Variants in DYNC1I2 observed in about 807,000 individuals in gnomAD.
The protein encoded by DYNC1I2 is cytoplasmic dynein 1 intermediate chain 2.
Under a neutral mutation model 88.6 loss-of-function variants are expected in DYNC1I2, and 53 were observed. The observed-to-expected ratio is 0.60, with a 90% CI of 0.48 to 0.75. The LOEUF (loss-of-function observed/expected upper bound fraction) is 0.75. Ranked by LOEUF, DYNC1I2 falls within the 30% of genes least tolerant of loss-of-function variation. DYNC1I2 has a pLI of 0.00. For synonymous variants in DYNC1I2, 198 were observed against 254.6 expected (o/e 0.78, Z 2.12); for missense variants, 458 against 766.6 (o/e 0.60, Z 4.75).
At chr2:171,713,306 A>G (rs569628732) in intron 6 of DYNC1I2, among the ~76,000 whole-genome samples, 16 of 152,250 alleles carry the variant, frequency 1.1e-4, no homozygotes, top group African/African-American at 3.4e-4. Context: ...GAATAAATAA[A>G]TGAGTGAATG....
chr2:171,700,793 G>A (rs949525556), intron 3 of DYNC1I2, among the ~76,000 whole-genome samples: 3 of 151,990 alleles, frequency 2.0e-5, no homozygotes, highest in African/African-American at 7.3e-5. Context: ...CACCACGCCC[G>A]GCTAATTTTT....
intron 3 of DYNC1I2, 132 bp downstream of exon 3, chr2:171,693,026 G>A: frequency 1.4e-6 from 1 of 726,382 alleles, no homozygotes. Flanking sequence ...TCTTTTATTT[G>A]GAATTGTCTT....
intron 7 of DYNC1I2, among the ~76,000 whole-genome samples, chr2:171,718,150 G>T (rs564607821): frequency 6.6e-6 from 1 of 151,852 alleles, no homozygotes. Context: ...AGACTTGGGG[G>T]TCTCGCCATG....
intron 6 of DYNC1I2, among the ~76,000 whole-genome samples, chr2:171,714,583 T>A (rs1687356944): frequency 6.6e-6 from 1 of 152,118 alleles, no homozygotes; most frequent in Admixed American, 6.6e-5. Flanking sequence ...ATATTTTTCT[T>A]TTGGTTCATT....
rs921813779 is a variant in DYNC1I2 at position 171,749,526 on chromosome 2, A to T, written c.*1637A>T. Among the ~76,000 whole-genome samples, 4 of 152,080 alleles carry T rather than the reference A, an allele frequency of 2.6e-5. No individual in the cohort carries two copies. Among genetic ancestry groups the T allele is most frequent in the African/African-American group, 9.7e-5 (4 of 41,436 alleles). On this transcript the variant is annotated 3_prime_UTR_variant, in exon 18 of 18. Coordinates refer to ENST00000397119, the MANE Select transcript of DYNC1I2 (RefSeq NM_001378.3). Reference sequence around the variant, plus strand: ...ATATAGAAAAATTCATGTACTCACTACTCATGTAGTTACTGTATCTTTACC... The same window carrying T: ...ATATAGAAAAATTCATGTACTCACTTCTCATGTAGTTACTGTATCTTTACC...
chr2:171,691,342 AT>A (rs1685390898), intron 2 of DYNC1I2, among the ~76,000 whole-genome samples: 1 of 152,340 alleles, frequency 6.6e-6, no homozygotes, highest in Admixed American at 6.5e-5. Flanking sequence ...CTCTTTAGAC[AT>A]ATCAGTGTAC....
intron 7 of DYNC1I2, among the ~76,000 whole-genome samples, chr2:171,717,539 C>A (rs908198892): frequency 6.6e-6 from 1 of 152,088 alleles, no homozygotes; most frequent in African/African-American, 2.4e-5. Flanking sequence ...ACAGAAGAAA[C>A]ACACTGATGG....
At chr2:171,687,751 CTT>C (rs1364993374) in intron 1 of DYNC1I2, 124 bp downstream of exon 1, 1 of 152,654 alleles carries the variant, frequency 6.6e-6, no homozygotes, top group African/African-American at 2.4e-5. Flanking sequence ...GCCCATCCCT[CTT>C]TGTGTGCTTT....
chr2:171,707,016 A>G (rs1686731538), intron 4 of DYNC1I2: 1 of 542,930 alleles, frequency 1.8e-6, no homozygotes. Context: ...ATGAAGATGC[A>G]TCCTTCCATA....
At chr2:171,723,107 A>G (rs1276388062) in intron 7 of DYNC1I2, among the ~76,000 whole-genome samples, 4 of 152,216 alleles carry the variant, frequency 2.6e-5, no homozygotes, top group Non-Finnish European at 5.9e-5. Context: ...TTTTCTGTTA[A>G]ATATGTAAAT....
chr2:171,692,379 T>C (rs1685459658), intron 2 of DYNC1I2, among the ~76,000 whole-genome samples: 1 of 152,168 alleles, frequency 6.6e-6, no homozygotes, highest in Non-Finnish European at 1.5e-5. Context: ...TCTTAAATAA[T>C]TACACTTTAA....
intron 3 of DYNC1I2, among the ~76,000 whole-genome samples, chr2:171,697,341 A>G (rs933163061): frequency 6.6e-6 from 1 of 151,996 alleles, no homozygotes; most frequent in Non-Finnish European, 1.5e-5. Context: ...AAAATCTTGA[A>G]TATTCTCCAC....
rs114351856 is a variant in DYNC1I2, at chr2:171,741,118, T to C, written c.1537-2931T>C. On this transcript the variant is annotated intron_variant, in intron 15 of 17. Transcript: ENST00000397119. Reference sequence around the variant, plus strand: ...ATGTTTTCAAGGGTCATCCTTCATATTGATACTTCTTGTATCAATGTATTG... The same window carrying C: ...ATGTTTTCAAGGGTCATCCTTCATACTGATACTTCTTGTATCAATGTATTG... Among the ~76,000 whole-genome samples, 1,517 of 152,318 alleles carry C rather than the reference T, an allele frequency of 1.0e-2. 22 individuals are homozygous for C. The highest frequency in any genetic ancestry group is 0.034 in the African/African-American group (1,429 of 41,566).
At chr2:171,689,257 TGTACTAA>T (rs1685203840) in intron 1 of DYNC1I2, among the ~76,000 whole-genome samples, 1 of 152,222 alleles carries the variant, frequency 6.6e-6, no homozygotes, top group Admixed American at 6.5e-5. Flanking sequence ...CACAAATAAT[TGTACTAA>T]AAGTGCCATC....
intron 3 of DYNC1I2, among the ~76,000 whole-genome samples, chr2:171,702,658 A>G (rs541225240): frequency 4.6e-5 from 7 of 152,012 alleles, no homozygotes; most frequent in African/African-American, 9.6e-5. Flanking sequence ...TTTTTTTCCT[A>G]CTAAAAACAA....
In DYNC1I2 at chr2:171,725,582, TTTTG is replaced by T. The variant is rs780081015; in HGVS notation, c.512-32_512-29del. The T allele has an allele frequency of 2.7e-4, 343 of 1,281,848 alleles. No homozygotes were observed. In the African/African-American group the frequency reaches 4.2e-3, roughly 16 times the overall value. 79.4% of individuals were successfully genotyped at this position (1,281,848 alleles called of 1,614,324 possible). On this transcript the variant is annotated intron_variant, in intron 7 of 17. Coordinates refer to ENST00000397119, the MANE Select transcript of DYNC1I2 (RefSeq NM_001378.3). ...AATAATTTATTATATCATTCTGTTT[TTTTG>T]TTTTTTTGTTTGTTTTTTTTTTTTT...
chr2:171,744,468 A>G (rs1389599334), intron 16 of DYNC1I2, among the ~76,000 whole-genome samples: 2 of 152,210 alleles, frequency 1.3e-5, no homozygotes, highest in African/African-American at 4.8e-5. Flanking sequence ...CATTCATAAG[A>G]TAACTGGGAT....
chr2:171,747,207 TTATATATATATATATA>T (rs67834157), intron 17 of DYNC1I2, among the ~76,000 whole-genome samples: 1 of 124,702 alleles, frequency 8.0e-6, no homozygotes, highest in South Asian at 2.8e-4. Flanking sequence ...AAAAAAAAAA[TTATATATATATATATA>T]TATATATATG....
chr2:171,730,164 A>G (rs923438946), intron 15 of DYNC1I2, among the ~76,000 whole-genome samples: 1 of 152,208 alleles, frequency 6.6e-6, no homozygotes, highest in Non-Finnish European at 1.5e-5. Flanking sequence ...ATAGCACCTC[A>G]TACAGTTGTC....
Sources: allele counts gnomAD v4.1 joint callset (sites outside exome capture counted in the v4.1 genomes callset), GRCh38; gene constraint gnomAD v4.1.1; transcripts MANE v1.5; gene names NCBI Gene and HGNC (gene_info 2026-07-23, HGNC 2026-07-21).